MAP4K5: variants seen among roughly 807,000 people sequenced by gnomAD.
MAP4K5 encodes MAPK/ERK kinase kinase kinase 5.
A neutral mutation model predicts 135.6 loss-of-function variants in MAP4K5; 82 were observed. That is an observed-to-expected ratio of 0.60 (90% CI 0.51 to 0.73). MAP4K5 has a LOEUF of 0.73. Ranked by LOEUF, MAP4K5 falls within the 30% of genes least tolerant of loss-of-function variation. MAP4K5 has a pLI of 0.00. For synonymous variants in MAP4K5, 347 were observed against 335.0 expected (o/e 1.04, Z -0.39); for missense variants, 907 against 1,010.9 (o/e 0.90, Z 1.39).
chr14:50,542,264 C>T, intron 2 of MAP4K5, among the ~76,000 whole-genome samples: 1 of 133,164 alleles, frequency 7.5e-6, no homozygotes, highest in South Asian at 2.4e-4. Flanking sequence ...GGGAACATCA[C>T]ACACCGGGGG....
chr14:50,445,077 G>C lies in MAP4K5; in HGVS notation c.1303C>G (p.Pro435Ala), dbSNP rs1159530141. Residue 435 changes from proline to alanine, a missense_variant, in exon 18 of 33, where the codon CCA becomes GCA. Around this residue, in one of 3 missense-constraint regions of MAP4K5, gnomAD observed 690 missense variants for 777.4 expected, o/e 0.89. Coordinates refer to ENST00000682126, the MANE Select transcript of MAP4K5 (RefSeq NM_006575.6). ...APQILRRQSS[P>A]SCGPVAETSS... ...GTCTCTGCCACAGGCCCACAACTTG[G>C]GCTACTCTGTCTTCTGAGAATTTGG... 1 of 1,613,396 alleles carries C rather than the reference G, an allele frequency of 6.2e-7. No homozygotes were observed. The highest frequency in any genetic ancestry group is 1.3e-5 in the African/African-American group (1 of 74,892).
chr14:50,469,710 T>C (rs577623617), intron 9 of MAP4K5, among the ~76,000 whole-genome samples: 85 of 152,294 alleles, frequency 5.6e-4, no homozygotes, highest in Non-Finnish European at 9.3e-4. Context: ...TAAACAACTG[T>C]TGAATATACA....
chr14:50,464,003 T>C (rs1293236309), intron 12 of MAP4K5, 49 bp downstream of exon 12: 2 of 992,310 alleles, frequency 2.0e-6, no homozygotes, highest in Non-Finnish European at 3.1e-6. Context: ...TCTACTGATA[T>C]GTCTAATTTA....
chr14:50,481,070 T>A (rs1326387941), intron 6 of MAP4K5, among the ~76,000 whole-genome samples: 1 of 151,884 alleles, frequency 6.6e-6, no homozygotes, highest in Non-Finnish European at 1.5e-5. Flanking sequence ...TTGTTTTTTT[T>A]TTTTATTTTT....
intron 13 of MAP4K5, 94 bp downstream of exon 13, chr14:50,462,570 TA>T: frequency 1.3e-6 from 1 of 786,266 alleles, no homozygotes. Flanking sequence ...TTAACTAAGT[TA>T]AAAGATAGAC....
intron 5 of MAP4K5, among the ~76,000 whole-genome samples, chr14:50,485,320 T>C (rs946709780): frequency 6.6e-6 from 1 of 152,152 alleles, no homozygotes; most frequent in Non-Finnish European, 1.5e-5. Flanking sequence ...CATTTGTAGA[T>C]AAAACACTTT....
At chr14:50,466,777 G>T in intron 10 of MAP4K5, 132 bp from the exon 11 acceptor site, 2 of 472,518 alleles carry the variant, frequency 4.2e-6, no homozygotes, top group Non-Finnish European at 3.8e-6. Context: ...ATGGGATATA[G>T]AAATTAAATT....
intron 3 of MAP4K5, among the ~76,000 whole-genome samples, chr14:50,487,386 CT>C (rs1015766484): frequency 6.6e-6 from 1 of 152,104 alleles, no homozygotes; most frequent in African/African-American, 2.4e-5. Context: ...ATCATTGGAA[CT>C]TTTTTTAACA....
Position 50,502,564 on chromosome 14 carries a change from TC to T in MAP4K5, c.166+2235del, listed in dbSNP as rs549034079. ...TTTACTATTGTCAAAATGCCAAATA[TC>T]CTACATTAATCTATGTGCCTTTTTT... On this transcript the variant is annotated intron_variant, in intron 3 of 32. Coordinates refer to ENST00000682126, the MANE Select transcript of MAP4K5 (RefSeq NM_006575.6). Among the ~76,000 whole-genome samples the T allele has an allele frequency of 4.6e-4, 70 of 152,206 alleles. No individual in the cohort carries two copies. The South Asian group carries it at 0.015, about 32-fold the overall frequency.
intron 31 of MAP4K5, among the ~76,000 whole-genome samples, chr14:50,424,624 C>T (rs1241977452): frequency 2.0e-5 from 3 of 148,726 alleles, no homozygotes; most frequent in Non-Finnish European, 4.4e-5. Context: ...GCAGGAGAAT[C>T]GCTTGAACCC....
intron 26 of MAP4K5, among the ~76,000 whole-genome samples, chr14:50,437,076 T>C (rs945867981): frequency 6.6e-6 from 1 of 152,134 alleles, no homozygotes; most frequent in Non-Finnish European, 1.5e-5. Flanking sequence ...TAACTTGCAA[T>C]TGGTATCATA....
intron 2 of MAP4K5, among the ~76,000 whole-genome samples, chr14:50,511,466 T>C (rs1336788730): frequency 1.3e-5 from 2 of 152,070 alleles, no homozygotes; most frequent in African/African-American, 4.8e-5. Flanking sequence ...GATAGCTAGA[T>C]AGGAAGAATA....
rs1293034579 is a variant in MAP4K5 at position 50,472,385 on chromosome 14, G to C, written c.542+2692C>G. ...TTATCTGAGTTATCTTTGAAAACAT[G>C]AAAAAAATTATACTGGAGAATAACC... is the stretch of plus-strand genomic sequence containing the variant. On this transcript the variant is annotated intron_variant, in intron 9 of 32. Coordinates refer to ENST00000682126, the MANE Select transcript of MAP4K5 (RefSeq NM_006575.6). The C allele has an allele frequency of 2.0e-5, 3 of 152,012 alleles. No homozygotes were observed. In the East Asian group the frequency reaches 5.8e-4, roughly 29 times the overall value. The allele number at this position is 152,012 out of a possible 1,614,324, so 9.4% of individuals were successfully genotyped here. A position where few individuals can be genotyped will look rare whatever the true frequency, so the allele number is the denominator to read the frequency against.
intron 13 of MAP4K5, among the ~76,000 whole-genome samples, chr14:50,459,419 C>T (rs763172469): frequency 2.6e-4 from 39 of 152,096 alleles, no homozygotes; most frequent in Non-Finnish European, 1.8e-4. Flanking sequence ...CTTGCTCTAC[C>T]ATCCTAGTTT....
intron 23 of MAP4K5, 127 bp downstream of exon 23, chr14:50,439,886 A>G: frequency 9.9e-7 from 1 of 1,013,086 alleles, no homozygotes; most frequent in Non-Finnish European, 1.4e-6. Flanking sequence ...GCAAATATCC[A>G]CAAGTCCCAG....
At chr14:50,474,916 G>A (rs565666938) in intron 9 of MAP4K5, among the ~76,000 whole-genome samples, 161 bp downstream of exon 9, 4 of 152,254 alleles carry the variant, frequency 2.6e-5, no homozygotes, top group Admixed American at 6.5e-5. Context: ...CCATGAATAT[G>A]AGCATCAAAG....
At chr14:50,428,820 A>T (rs1041696541) in intron 29 of MAP4K5, 66 bp from the exon 30 acceptor site, 3 of 784,530 alleles carry the variant, frequency 3.8e-6, no homozygotes, top group African/African-American at 1.8e-5. Flanking sequence ...AACTTGATAT[A>T]TGTGGATTTT....
intron 3 of MAP4K5, among the ~76,000 whole-genome samples, chr14:50,491,728 C>T (rs950854768): frequency 2.6e-5 from 4 of 151,346 alleles, no homozygotes; most frequent in African/African-American, 9.7e-5. Flanking sequence ...CTGTATTGCC[C>T]AGGCTAGAGT....
intron 6 of MAP4K5, among the ~76,000 whole-genome samples, chr14:50,480,496 C>T (rs1261698195): frequency 2.0e-5 from 3 of 151,800 alleles, no homozygotes; most frequent in Admixed American, 6.6e-5. Context: ...CTTCTACTTC[C>T]TATGTCTGTG....
Sources: allele counts gnomAD v4.1 joint callset (sites outside exome capture counted in the v4.1 genomes callset), GRCh38; gene constraint gnomAD v4.1.1; regional missense constraint gnomAD v4.1.1; transcripts MANE v1.5; gene names NCBI Gene and HGNC (gene_info 2026-07-23, HGNC 2026-07-21).